SUGCT: variants seen among roughly 807,000 people sequenced by gnomAD.
SUGCT encodes succinyl-CoA:glutarate CoA-transferase.
In SUGCT, 41 loss-of-function variants were observed where a neutral mutation model predicts 55.0. The ratio of observed to expected loss-of-function variants is 0.74; its 90% CI spans 0.58 to 0.97. The LOEUF (loss-of-function observed/expected upper bound fraction) is 0.97. SUGCT is among the 50% of genes least tolerant of loss of function. The pLI is 0.00. For missense variants in SUGCT, 568 were observed against 547.8 expected (o/e 1.04, Z -0.37); for synonymous variants, 187 against 200.4 (o/e 0.93, Z 0.56).
chr7:40,959,047 C>A, the SUGCT span, among the ~76,000 whole-genome samples: 7 of 152,010 alleles, frequency 4.6e-5, no homozygotes, highest in Non-Finnish European at 7.4e-5. Context: ...AAGCTTCATC[C>A]CAGAGGGGCA....
the SUGCT span, among the ~76,000 whole-genome samples, chr7:40,968,849 A>G: frequency 1.3e-5 from 2 of 152,096 alleles, no homozygotes; most frequent in Non-Finnish European, 2.9e-5. Context: ...CTTCCTCCAC[A>G]TGGCACCCAG....
At chr7:40,602,294 C>T (rs1798331138) in intron 12 of SUGCT, among the ~76,000 whole-genome samples, 1 of 152,122 alleles carries the variant, frequency 6.6e-6, no homozygotes, top group Non-Finnish European at 1.5e-5. Flanking sequence ...GGGGGATGAA[C>T]CCAGAAATGA....
At chr7:40,501,020 G>A (rs895394023) in intron 12 of SUGCT, among the ~76,000 whole-genome samples, 11 of 152,070 alleles carry the variant, frequency 7.2e-5, no homozygotes, top group African/African-American at 2.2e-4. Context: ...TACAAGTCAA[G>A]CAAAATTATA....
At chr7:40,364,188 T>A (rs1249253298) in intron 9 of SUGCT, among the ~76,000 whole-genome samples, 2 of 152,172 alleles carry the variant, frequency 1.3e-5, no homozygotes, top group Non-Finnish European at 2.9e-5. Flanking sequence ...TACATCCTTT[T>A]ATTTTGAGCC....
At chr7:40,853,570 G>A (rs1195675925) in intron 13 of SUGCT, among the ~76,000 whole-genome samples, 2 of 151,974 alleles carry the variant, frequency 1.3e-5, no homozygotes, top group South Asian at 4.2e-4. Flanking sequence ...TTACCATGTC[G>A]CCCAGGCTGG....
At chr7:40,176,509 T>C (rs1195924410) in intron 1 of SUGCT, among the ~76,000 whole-genome samples, 2 of 152,154 alleles carry the variant, frequency 1.3e-5, no homozygotes, top group African/African-American at 4.8e-5. Context: ...TTCTGCAGTG[T>C]TAATTATGAA....
chr7:40,789,776 T>C (rs1233560683), intron 13 of SUGCT, among the ~76,000 whole-genome samples: 1 of 152,236 alleles, frequency 6.6e-6, no homozygotes, highest in Admixed American at 6.5e-5. Context: ...TTTTATTGTG[T>C]ACCTTTTGTT....
the SUGCT span, among the ~76,000 whole-genome samples, chr7:40,957,992 C>T: frequency 6.6e-6 from 1 of 151,984 alleles, no homozygotes; most frequent in Non-Finnish European, 1.5e-5. Context: ...ATTTTGGCCC[C>T]CACTCTTCTG....
the SUGCT span, among the ~76,000 whole-genome samples, chr7:40,976,690 G>A: frequency 6.6e-6 from 1 of 152,162 alleles, no homozygotes; most frequent in Non-Finnish European, 1.5e-5. Context: ...GATGGAATAT[G>A]TCTTCTGGAA....
In SUGCT at chr7:40,272,103, ATATATATATG is replaced by A. The variant is rs1314398691; in HGVS notation, c.577-2409_577-2400del. ...TCTCTCTCTCTCTCTCTCTATATAT[ATATATATATG>A]GATGTTTCAAAAACAACTGCAATGT... On this transcript the variant is annotated intron_variant, in intron 7 of 13. Coordinates refer to ENST00000335693, the MANE Select transcript of SUGCT (RefSeq NM_001193313.2). Among the ~76,000 whole-genome samples the A allele has an allele frequency of 3.1e-5, 4 of 127,396 alleles. 1 individual carries two copies. Among genetic ancestry groups the A allele is most frequent in the African/African-American group, 1.3e-4 (4 of 31,352 alleles). 83.6% of individuals were successfully genotyped at this position (127,396 alleles called of 152,430 possible).
intron 1 of SUGCT, among the ~76,000 whole-genome samples, chr7:40,137,720 A>G (rs1290665797): frequency 1.3e-5 from 2 of 152,006 alleles, no homozygotes; most frequent in Non-Finnish European, 2.9e-5. Flanking sequence ...TTGCTCTTTC[A>G]TCCAGGCTGG....
At chr7:40,347,945 C>T (rs1440739761) in intron 9 of SUGCT, among the ~76,000 whole-genome samples, 1 of 152,158 alleles carries the variant, frequency 6.6e-6, no homozygotes, top group Admixed American at 6.5e-5. Context: ...GCATTCTTTT[C>T]TTGGGAGGTA....
At chr7:40,935,413 C>CT in the SUGCT span, among the ~76,000 whole-genome samples, 1 of 152,120 alleles carries the variant, frequency 6.6e-6, no homozygotes. Flanking sequence ...ACTCCAATTC[C>CT]TTCCTGACCT....
chr7:40,742,160 A>G (rs1204090177), intron 12 of SUGCT, among the ~76,000 whole-genome samples: 2 of 152,132 alleles, frequency 1.3e-5, no homozygotes, highest in African/African-American at 4.8e-5. Flanking sequence ...TGTTTGTGTA[A>G]ATTATGTGTG....
intron 13 of SUGCT, among the ~76,000 whole-genome samples, chr7:40,799,765 C>T (rs963667233): frequency 2.0e-5 from 3 of 151,774 alleles, no homozygotes; most frequent in African/African-American, 4.8e-5. Flanking sequence ...TTTCAGAAAA[C>T]CTGGCATGGA....
At chr7:41,025,197 A>G in the SUGCT span, among the ~76,000 whole-genome samples, 5 of 152,230 alleles carry the variant, frequency 3.3e-5, no homozygotes, top group Non-Finnish European at 7.4e-5. Flanking sequence ...AAGGGATTAT[A>G]TGGGGACATT....
chr7:40,352,465 C>T (rs566822200), intron 9 of SUGCT, among the ~76,000 whole-genome samples: 2 of 152,096 alleles, frequency 1.3e-5, no homozygotes, highest in African/African-American at 2.4e-5. Context: ...CTCCTCCTTC[C>T]CTCTACTCTC....
chr7:40,920,237 G>A, the SUGCT span, among the ~76,000 whole-genome samples: 1 of 151,892 alleles, frequency 6.6e-6, no homozygotes, highest in South Asian at 2.1e-4. Context: ...ACCATATCTC[G>A]GTCTCTTCTT....
intron 12 of SUGCT, among the ~76,000 whole-genome samples, chr7:40,745,266 T>G (rs921498904): frequency 6.6e-6 from 1 of 152,196 alleles, no homozygotes; most frequent in Admixed American, 6.5e-5. Context: ...ATTTCATGTC[T>G]TTTCATTAGA....
Sources: gnomAD v4.1 joint callset for allele counts (sites outside exome capture counted in the v4.1 genomes callset) on GRCh38, gnomAD v4.1.1 for gene constraint, MANE v1.5 for transcripts, NCBI Gene and HGNC (gene_info 2026-07-23, HGNC 2026-07-21) for gene names.